The following EDIL3 variants were observed in gnomAD, a reference collection of about 807,000 sequenced individuals.
EDIL3 encodes the protein EGF-like repeat and discoidin I-like domain-containing protein 3.
Under a neutral mutation model 67.4 loss-of-function variants are expected in EDIL3, and 37 were observed. The ratio of observed to expected loss-of-function variants is 0.55; its 90% CI spans 0.42 to 0.72. The LOEUF is 0.72. Ranked by LOEUF, EDIL3 falls within the 30% of genes least tolerant of loss-of-function variation. EDIL3 has a pLI of 0.00. For synonymous variants in EDIL3, 195 were observed against 196.3 expected (o/e 0.99, Z 0.05); for missense variants, 527 against 586.3 (o/e 0.90, Z 1.04).
intron 3 of EDIL3, among the ~76,000 whole-genome samples, chr5:84,191,719 AT>A (rs200624456): frequency 2.0e-5 from 3 of 151,788 alleles, no homozygotes; most frequent in African/African-American, 7.3e-5. Flanking sequence ...GCAAACCAAT[AT>A]TTTTTTTAAA....
intron 9 of EDIL3, among the ~76,000 whole-genome samples, chr5:83,989,352 A>G (rs1745109574): frequency 1.3e-5 from 2 of 152,064 alleles, no homozygotes; most frequent in Non-Finnish European, 1.5e-5. Context: ...TCTCTTCCCA[A>G]TGTCCAAATG....
intron 5 of EDIL3, among the ~76,000 whole-genome samples, chr5:84,108,937 T>C (rs554071747): frequency 3.3e-4 from 51 of 152,316 alleles, no homozygotes; most frequent in Non-Finnish European, 3.5e-4. Context: ...AAAGACCTTA[T>C]GCTGAATTAG....
At chr5:84,139,989 G>A (rs781393107) in intron 4 of EDIL3, among the ~76,000 whole-genome samples, 1 of 152,122 alleles carries the variant, frequency 6.6e-6, no homozygotes, top group African/African-American at 2.4e-5. Flanking sequence ...ATGTAGATAG[G>A]GAACAGATTA....
intron 4 of EDIL3, among the ~76,000 whole-genome samples, chr5:84,156,940 A>G (rs894808708): frequency 6.6e-6 from 1 of 152,152 alleles, no homozygotes; most frequent in African/African-American, 2.4e-5. Flanking sequence ...TCAGCACGTC[A>G]TAGACACCGA....
intron 9 of EDIL3, among the ~76,000 whole-genome samples, chr5:84,051,313 C>A (rs7702794): frequency 0.31 from 46,804 of 152,020 alleles, 7,339 homozygotes; most frequent in African/African-American, 0.36. Context: ...CCCCATATGT[C>A]ACCATCATCA....
chr5:84,014,560 G>A (rs1035311539), intron 9 of EDIL3, among the ~76,000 whole-genome samples: 2 of 152,074 alleles, frequency 1.3e-5, no homozygotes, highest in Non-Finnish European at 2.9e-5. Context: ...CAGAAGAATC[G>A]CTTGAACCCA....
intron 6 of EDIL3, among the ~76,000 whole-genome samples, chr5:84,096,478 C>T (rs1018998150): frequency 1.3e-5 from 2 of 152,154 alleles, no homozygotes; most frequent in African/African-American, 4.8e-5. Context: ...TTGCCTGGGG[C>T]CAGTAGCCCC....
intron 1 of EDIL3, among the ~76,000 whole-genome samples, chr5:84,328,055 T>A (rs543017684): frequency 1.3e-5 from 2 of 152,148 alleles, no homozygotes; most frequent in East Asian, 3.9e-4. Context: ...CAGCAGCGCT[T>A]ATTAATGGTC....
intron 9 of EDIL3, among the ~76,000 whole-genome samples, chr5:83,969,869 T>G (rs1353581209): frequency 6.6e-6 from 1 of 151,924 alleles, no homozygotes; most frequent in African/African-American, 2.4e-5. Context: ...ATCATGTCTA[T>G]CATTTCAAAC....
intron 1 of EDIL3, among the ~76,000 whole-genome samples, chr5:84,285,796 C>T (rs867157486): frequency 3.9e-5 from 6 of 152,164 alleles, no homozygotes; most frequent in African/African-American, 7.2e-5. Context: ...GGCTGTGGAA[C>T]GCCTCAGATA....
chr5:84,046,381 G>GA (rs1029678400), intron 9 of EDIL3, among the ~76,000 whole-genome samples: 1 of 151,910 alleles, frequency 6.6e-6, no homozygotes, highest in Non-Finnish European at 1.5e-5. Context: ...GATATCCCCT[G>GA]AAAAAAATGA....
Position 84,176,755 on chromosome 5 carries a change from ATGTG to A in EDIL3, c.355+3634_355+3637del, listed in dbSNP as rs3046874. ...CAGAGGTGTGTGTATGTGTGTATAT[ATGTG>A]TGTGTGTGTGTGCCTGTGTGTGAGC... On this transcript the variant is annotated intron_variant, in intron 4 of 10. Transcript: ENST00000296591. Among the ~76,000 whole-genome samples, 1,222 of 149,928 alleles carry A rather than the reference ATGTG, an allele frequency of 8.2e-3. 17 individuals carry two copies. The highest frequency in any genetic ancestry group is 0.028 in the African/African-American group (1,138 of 40,996).
intron 3 of EDIL3, among the ~76,000 whole-genome samples, chr5:84,191,740 C>T (rs1743590975): frequency 1.3e-5 from 2 of 151,808 alleles, no homozygotes; most frequent in African/African-American, 4.8e-5. Context: ...AAAAAAGGAA[C>T]AGCAAAATTG....
chr5:84,210,089 T>G (rs1028274920), intron 3 of EDIL3, among the ~76,000 whole-genome samples: 1 of 152,160 alleles, frequency 6.6e-6, no homozygotes, highest in African/African-American at 2.4e-5. Flanking sequence ...AAACAAAAAT[T>G]TAAATAGTAA....
rs1746915995 is a variant in EDIL3, at chr5:84,079,023, C to A, written c.652-12417G>T. 3.9e-5 allele frequency among the ~76,000 whole-genome samples: 6 copies of A among 152,048 alleles called. No homozygotes were observed. The South Asian group carries it at 1.2e-3, about 32-fold the overall frequency. On this transcript the variant is annotated intron_variant, in intron 6 of 10. Transcript: ENST00000296591. ...GAGAGGGACTGAAGGTTGAGTTCAC[C>A]ATTACTGGCCAATGATTTCATCAAT...
chr5:83,997,898 C>G (rs945912130), intron 9 of EDIL3, among the ~76,000 whole-genome samples: 2 of 152,020 alleles, frequency 1.3e-5, no homozygotes, highest in African/African-American at 4.8e-5. Context: ...GAATGCAACA[C>G]CAGGCAGAAC....
At chr5:84,315,243 A>G (rs2112148324) in intron 1 of EDIL3, among the ~76,000 whole-genome samples, 1 of 152,344 alleles carries the variant, frequency 6.6e-6, no homozygotes, top group East Asian at 1.9e-4. Flanking sequence ...TGTCATCTAT[A>G]AGCTACCTCA....
rs1745843193 is a variant in EDIL3 at position 84,027,810 on chromosome 5, A to C, written c.1137+32490T>G. Among the ~76,000 whole-genome samples, 4 of 152,244 alleles carry C rather than the reference A, an allele frequency of 2.6e-5. No homozygotes were observed. In the South Asian group the frequency reaches 8.3e-4, roughly 32 times the overall value. On this transcript the variant is annotated intron_variant, in intron 9 of 10. Transcript: ENST00000296591. ...CAATATGAGTCTGAACTCAAAAAAG[A>C]AAATCTGAAGTGAAATAAAAAGGGT...
At chr5:84,200,446 C>A (rs965127684) in intron 3 of EDIL3, among the ~76,000 whole-genome samples, 5 of 151,784 alleles carry the variant, frequency 3.3e-5, no homozygotes, top group African/African-American at 1.2e-4. Context: ...GCTTTATCCC[C>A]AGACCTAAAG....
Sources: allele counts gnomAD v4.1 joint callset (sites outside exome capture counted in the v4.1 genomes callset), GRCh38; gene constraint gnomAD v4.1.1; transcripts MANE v1.5; gene names NCBI Gene and HGNC (gene_info 2026-07-23, HGNC 2026-07-21).